The following ARHGAP28 variants were observed in gnomAD, a reference collection of about 807,000 sequenced individuals.
ARHGAP28 encodes rho GTPase-activating protein 28.
In ARHGAP28, 56 loss-of-function variants were observed where a neutral mutation model predicts 90.7. That is an observed-to-expected ratio of 0.62 (90% CI 0.50 to 0.77). The LOEUF is 0.77. ARHGAP28 is among the 30% of genes least tolerant of loss of function. ARHGAP28 has a pLI of 0.00. For missense variants in ARHGAP28, 869 were observed against 900.9 expected (o/e 0.96, Z 0.45); for synonymous variants, 308 against 323.3 (o/e 0.95, Z 0.51).
intron 1 of ARHGAP28, among the ~76,000 whole-genome samples, chr18:6,822,111 T>G (rs2056630951): frequency 6.6e-6 from 1 of 152,184 alleles, no homozygotes; most frequent in Non-Finnish European, 1.5e-5. Context: ...ACAATATTGG[T>G]ATGGTACAGA....
intron 3 of ARHGAP28, among the ~76,000 whole-genome samples, chr18:6,849,529 T>C (rs1280547592): frequency 6.6e-6 from 1 of 152,216 alleles, no homozygotes; most frequent in Non-Finnish European, 1.5e-5. Flanking sequence ...ATTGTGCCTT[T>C]TACTCTTTGA....
chr18:6,866,647 A>G (rs1440439058), intron 5 of ARHGAP28, among the ~76,000 whole-genome samples: 1 of 152,130 alleles, frequency 6.6e-6, no homozygotes, highest in African/African-American at 2.4e-5. Context: ...TGTTCTTCTC[A>G]TTGTAAGTAG....
rs148960294 is a variant in ARHGAP28, at chr18:6,762,264, C to CCA, written c.122+32333_122+32334dup. Among the ~76,000 whole-genome samples the CCA allele has an allele frequency of 2.9e-3, 448 of 151,998 alleles. 1 individual carries two copies. Among genetic ancestry groups the CCA allele is most frequent in the African/African-American group, 0.011 (439 of 41,452 alleles). ...TTTCTAAAATACAAGTTCAACCATG[C>CCA]CACACACACACACCCTACTTGAAAT... On this transcript the variant is annotated intron_variant, in intron 1 of 17. Transcript: ENST00000383472.
chr18:6,890,370 C>A, intron 13 of ARHGAP28, 60 bp from the exon 14 acceptor site: 1 of 1,122,026 alleles, frequency 8.9e-7, no homozygotes, highest in Non-Finnish European at 1.3e-6. Flanking sequence ...TGAAGACAAT[C>A]TGCTAGGGAG....
chr18:6,821,341 T>C (rs1261546326), intron 1 of ARHGAP28, among the ~76,000 whole-genome samples: 1 of 152,208 alleles, frequency 6.6e-6, no homozygotes, highest in Non-Finnish European at 1.5e-5. Flanking sequence ...GTGGTGTTTT[T>C]CCAACAAAAG....
chr18:6,797,292 A>G (rs1027411311), intron 1 of ARHGAP28, among the ~76,000 whole-genome samples: 2 of 152,128 alleles, frequency 1.3e-5, no homozygotes, highest in African/African-American at 4.8e-5. Flanking sequence ...CTTTTGGAGT[A>G]TTTTCTCTGT....
intron 1 of ARHGAP28, among the ~76,000 whole-genome samples, chr18:6,760,113 C>A (rs191879355): frequency 1.3e-5 from 2 of 152,046 alleles, no homozygotes; most frequent in Admixed American, 1.3e-4. Context: ...TAAGTTCAAA[C>A]ACACACACAC....
intron 3 of ARHGAP28, chr18:6,850,780 G>T: frequency 6.6e-7 from 1 of 1,511,300 alleles, no homozygotes; most frequent in Admixed American, 2.1e-5. Flanking sequence ...AGAAAAGAAA[G>T]TGGGTTTTGG....
At chr18:6,855,082 C>T (rs2056942267) in intron 4 of ARHGAP28, among the ~76,000 whole-genome samples, 1 of 152,336 alleles carries the variant, frequency 6.6e-6, no homozygotes, top group Middle Eastern at 3.4e-3. Context: ...AGGTGCCCCT[C>T]AGCAGGAACA....
At chr18:6,760,158 C>CAGAT (rs1298856549) in intron 1 of ARHGAP28, among the ~76,000 whole-genome samples, 12 of 152,132 alleles carry the variant, frequency 7.9e-5, no homozygotes, top group African/African-American at 2.7e-4. Flanking sequence ...GTGCAGCGAA[C>CAGAT]AGATAGGTTT....
At chr18:6,798,482 G>A (rs548978776) in intron 1 of ARHGAP28, among the ~76,000 whole-genome samples, 10 of 152,228 alleles carry the variant, frequency 6.6e-5, no homozygotes, top group Admixed American at 2.6e-4. Flanking sequence ...GTGTGAGCCC[G>A]CCATGCCCAG....
At chr18:6,750,065 G>A (rs1362135742) in intron 1 of ARHGAP28, among the ~76,000 whole-genome samples, 2 of 152,106 alleles carry the variant, frequency 1.3e-5, no homozygotes, top group African/African-American at 4.8e-5. Flanking sequence ...AAACTCCCAT[G>A]CCTTACTGGG....
chr18:6,878,007 C>A (rs974337107), intron 10 of ARHGAP28, among the ~76,000 whole-genome samples: 4 of 151,908 alleles, frequency 2.6e-5, no homozygotes, highest in African/African-American at 9.7e-5. Flanking sequence ...TGCCTGTGTA[C>A]ACATGCATGC....
At chr18:6,832,904 T>C (rs959792377) in intron 2 of ARHGAP28, among the ~76,000 whole-genome samples, 35 of 152,088 alleles carry the variant, frequency 2.3e-4, no homozygotes, top group Non-Finnish European at 4.0e-4. Flanking sequence ...TAACTTATCA[T>C]AGTCTACTTA....
chr18:6,887,899 A>G (rs1459277931), intron 12 of ARHGAP28, among the ~76,000 whole-genome samples: 3 of 152,244 alleles, frequency 2.0e-5, no homozygotes, highest in Admixed American at 6.5e-5. Flanking sequence ...AATAGATTCT[A>G]TAATTGCTGG....
chr18:6,730,209 G>T, intron 1 of ARHGAP28: 1 of 172,876 alleles, frequency 5.8e-6, no homozygotes, highest in Non-Finnish European at 9.4e-6. Context: ...ACGATTTGAG[G>T]ATAAGTCATG....
intron 3 of ARHGAP28, among the ~76,000 whole-genome samples, chr18:6,845,521 C>G (rs1022534237): frequency 1.3e-5 from 2 of 152,146 alleles, no homozygotes; most frequent in African/African-American, 4.8e-5. Context: ...ATCAACCCAT[C>G]ACATTGGTAT....
intron 13 of ARHGAP28, 43 bp downstream of exon 13, chr18:6,890,128 TC>T: frequency 6.2e-7 from 1 of 1,605,024 alleles, no homozygotes; most frequent in Non-Finnish European, 8.5e-7. Flanking sequence ...GAAGTCCATG[TC>T]CCCAGGAAAC....
In ARHGAP28 at chr18:6,729,842, C is replaced by T; in HGVS notation, c.21C>T (p.Gly7=). The T allele has an allele frequency of 1.4e-6, 2 of 1,421,956 alleles. No homozygotes were observed. The highest frequency in any genetic ancestry group is 1.8e-6 in the Non-Finnish European group (2 of 1,090,486). 88.1% of individuals were successfully genotyped at this position (1,421,956 alleles called of 1,614,324 possible). A position where few individuals can be genotyped will look rare whatever the true frequency, so the allele number is the denominator to read the frequency against. MEVEDS[G]GVVLTAYHSY... ...TGACGATGGAGGTGGAGGACTCGGG[C>T]GGCGTGGTGCTGACCGCCTACCACT... The change falls in exon 1 of 18, where the codon GGC becomes GGT. Residue 7 remains glycine (G), a synonymous_variant. Coordinates refer to ENST00000383472, the MANE Select transcript of ARHGAP28 (RefSeq NM_001366230.1).
Sources: allele counts gnomAD v4.1 joint callset (sites outside exome capture counted in the v4.1 genomes callset), GRCh38; gene constraint gnomAD v4.1.1; transcripts MANE v1.5; gene names NCBI Gene and HGNC (gene_info 2026-07-23, HGNC 2026-07-21).